The following GRIA1 variants were observed in gnomAD, a reference collection of about 807,000 sequenced individuals.
GRIA1 encodes the protein glutamate receptor 1.
GRIA1 carries 31 observed loss-of-function variants against 99.2 expected under a neutral mutation model. The observed-to-expected ratio is 0.31, with a 90% confidence interval of 0.23 to 0.42. The LOEUF is 0.42. Ranked by LOEUF, GRIA1 falls within the 10% of genes least tolerant of loss-of-function variation. GRIA1 has a pLI of 1.00. For missense variants in GRIA1, 782 were observed against 1,157.5 expected, an observed-to-expected ratio of 0.68 and a Z score of 4.71; for synonymous variants, 438 against 432.4, an observed-to-expected ratio of 1.01 and a Z score of -0.16.
At chr5:153,506,316 G>GGTGTGTGTGT (rs61220170) in intron 2 of GRIA1, among the ~76,000 whole-genome samples, 1,868 of 140,380 alleles carry the variant, frequency 0.013, 26 homozygotes, top group South Asian at 0.04. Context: ...TGGCAAGAAG[G>GGTGTGTGTGT]GTGTGTGTGT....
At chr5:153,562,772 A>G (rs1761248272) in intron 2 of GRIA1, among the ~76,000 whole-genome samples, 1 of 152,210 alleles carries the variant, frequency 6.6e-6, no homozygotes, top group Admixed American at 6.5e-5. Context: ...AAATATCTCA[A>G]GGTGTCATTA....
chr5:153,740,270 C>A (rs1207306758), intron 11 of GRIA1, among the ~76,000 whole-genome samples: 2 of 152,214 alleles, frequency 1.3e-5, no homozygotes, highest in Non-Finnish European at 2.9e-5. Context: ...AGGAGAACAG[C>A]TTCAACAACA....
intron 2 of GRIA1, among the ~76,000 whole-genome samples, chr5:153,634,815 G>C (rs1040776538): frequency 6.6e-5 from 10 of 152,172 alleles, no homozygotes; most frequent in African/African-American, 2.4e-4. Flanking sequence ...AACTTAATTA[G>C]TGCTCACAGC....
chr5:153,612,597 T>G (rs568615772), intron 2 of GRIA1, among the ~76,000 whole-genome samples: 1 of 152,344 alleles, frequency 6.6e-6, no homozygotes, highest in South Asian at 2.1e-4. Flanking sequence ...TCAGCTCAAA[T>G]CAGGCATATG....
chr5:153,712,604 G>A (rs1759393839), intron 11 of GRIA1, among the ~76,000 whole-genome samples: 1 of 129,676 alleles, frequency 7.7e-6, no homozygotes, highest in Admixed American at 7.4e-5. Flanking sequence ...CTGTAGTATT[G>A]TGGGGAAGAG....
intron 10 of GRIA1, among the ~76,000 whole-genome samples, chr5:153,700,337 A>G (rs1333446950): frequency 1.3e-5 from 2 of 152,220 alleles, no homozygotes; most frequent in African/African-American, 2.4e-5. Context: ...GTGAGCCAAG[A>G]CCATGCCATC....
chr5:153,780,186 G>A (rs923942198), intron 13 of GRIA1, among the ~76,000 whole-genome samples: 14 of 152,006 alleles, frequency 9.2e-5, no homozygotes, highest in African/African-American at 2.2e-4. Flanking sequence ...GGTCTTTTGC[G>A]TTTTCTAGGA....
intron 11 of GRIA1, among the ~76,000 whole-genome samples, chr5:153,738,931 A>G (rs1761583789): frequency 6.6e-6 from 1 of 151,886 alleles, no homozygotes; most frequent in Non-Finnish European, 1.5e-5. Flanking sequence ...CGTGTTAGCC[A>G]GGATGGTCTC....
intron 11 of GRIA1, among the ~76,000 whole-genome samples, chr5:153,746,845 C>G (rs909020094): frequency 6.6e-6 from 1 of 152,140 alleles, no homozygotes; most frequent in Non-Finnish European, 1.5e-5. Context: ...TGTCTAGGAA[C>G]TGTGGTAAGT....
chr5:153,786,075 G>A (rs185740918), intron 13 of GRIA1, among the ~76,000 whole-genome samples: 22 of 152,180 alleles, frequency 1.4e-4, no homozygotes, highest in Admixed American at 5.9e-4. Context: ...CATATAAGCC[G>A]TTATATTTTT....
chr5:153,810,981 C>T lies in GRIA1; in HGVS notation c.2521-44C>T, dbSNP rs752681398. On this transcript the variant is annotated intron_variant, in intron 15 of 15. Coordinates refer to ENST00000285900, the MANE Select transcript of GRIA1 (RefSeq NM_000827.4). Reference sequence around the variant, plus strand: ...GTCTTGACTCATTCCCATTGCCTGTCATTGCCAAGGACCCGGGGAAGAACC... The same window carrying T: ...GTCTTGACTCATTCCCATTGCCTGTTATTGCCAAGGACCCGGGGAAGAACC... 9 of 1,428,730 alleles carry T rather than the reference C, an allele frequency of 6.3e-6. 1 individual carries two copies. In the East Asian group the frequency reaches 2.0e-4, roughly 33 times the overall value. 88.5% of individuals were successfully genotyped at this position (1,428,730 alleles called of 1,614,324 possible).
chr5:153,637,770 A>G (rs568440305), intron 2 of GRIA1, among the ~76,000 whole-genome samples: 1 of 152,322 alleles, frequency 6.6e-6, no homozygotes, highest in South Asian at 2.1e-4. Flanking sequence ...AGTGGACTGA[A>G]GCACAGGGGA....
chr5:153,592,941 T>A (rs1421995172), intron 2 of GRIA1, among the ~76,000 whole-genome samples: 1 of 152,126 alleles, frequency 6.6e-6, no homozygotes, highest in African/African-American at 2.4e-5. Flanking sequence ...TAGAGTCTCA[T>A]CATGGGGCTC....
At chr5:153,775,903 GA>G (rs35697272) in intron 13 of GRIA1, among the ~76,000 whole-genome samples, 103,717 of 149,596 alleles carry the variant, frequency 0.69, 36,065 homozygotes, top group East Asian at 0.95. Flanking sequence ...TGCAGAAACG[GA>G]AAAAAAAAAA....
At chr5:153,795,340 A>T (rs559180969) in intron 14 of GRIA1, 2 of 584,836 alleles carry the variant, frequency 3.4e-6, no homozygotes, top group Non-Finnish European at 3.1e-6. Context: ...GCGGGGCCAG[A>T]TGGAGTATTT....
intron 2 of GRIA1, among the ~76,000 whole-genome samples, chr5:153,637,876 C>T (rs1222140634): frequency 6.6e-6 from 1 of 152,132 alleles, no homozygotes; most frequent in Non-Finnish European, 1.5e-5. Flanking sequence ...TTCGTTATTC[C>T]CTACCTAGCT....
At chr5:153,618,508 G>A (rs1253198276) in intron 2 of GRIA1, among the ~76,000 whole-genome samples, 1 of 152,164 alleles carries the variant, frequency 6.6e-6, no homozygotes, top group Non-Finnish European at 1.5e-5. Flanking sequence ...GACTGGAGGA[G>A]TGGGCAATGC....
chr5:153,528,281 T>C (rs975569257), intron 2 of GRIA1, among the ~76,000 whole-genome samples: 1 of 152,220 alleles, frequency 6.6e-6, no homozygotes, highest in African/African-American at 2.4e-5. Flanking sequence ...GAATATGTTT[T>C]TGGGTTTTTG....
At chr5:153,547,144 T>A (rs1759683641) in intron 2 of GRIA1, among the ~76,000 whole-genome samples, 1 of 152,056 alleles carries the variant, frequency 6.6e-6, no homozygotes, top group African/African-American at 2.4e-5. Context: ...ATTTGTAAAG[T>A]TTCTTAAAAC....
Sources: gnomAD v4.1 joint callset for allele counts (sites outside exome capture counted in the v4.1 genomes callset) on GRCh38, gnomAD v4.1.1 for gene constraint, MANE v1.5 for transcripts, NCBI Gene and HGNC (gene_info 2026-07-23, HGNC 2026-07-21) for gene names.